The following SLC22A25 variants were observed in gnomAD, a reference collection of about 807,000 sequenced individuals.
SLC22A25 encodes the protein solute carrier family 22 member 25, also known as MGI:2442751, MGI:2385316, MGI:3042283, MGI:3645714, MGI:3605624, MGI:2442750.
A neutral mutation model predicts 45.9 loss-of-function variants in SLC22A25; 44 were observed. The observed-to-expected ratio is 0.96, with a 90% CI of 0.75 to 1.23. The LOEUF (loss-of-function observed/expected upper bound fraction) is 1.23. Ranked by LOEUF, SLC22A25 falls within the 50% of genes most tolerant of loss-of-function variation. The pLI is 0.00. For missense variants in SLC22A25, 800 were observed against 666.4 expected (o/e 1.20, Z -2.21); for synonymous variants, 283 against 238.6 (o/e 1.19, Z -1.72).
At chr11:63,172,951 T>C (rs1202927050) in intron 9 of SLC22A25, among the ~76,000 whole-genome samples, 1 of 151,958 alleles carries the variant, frequency 6.6e-6, no homozygotes, top group Non-Finnish European at 1.5e-5. Flanking sequence ...CACAATAGCA[T>C]AGACTTGGAA....
intron 7 of SLC22A25, among the ~76,000 whole-genome samples, chr11:63,196,993 C>T (rs567992463): frequency 6.6e-6 from 1 of 152,236 alleles, no homozygotes; most frequent in South Asian, 2.1e-4. Context: ...CATGAGTGAA[C>T]TCCCATTCAC....
intron 3 of SLC22A25, among the ~76,000 whole-genome samples, chr11:63,234,206 C>G (rs1292532999): frequency 1.3e-5 from 2 of 152,150 alleles, no homozygotes; most frequent in Non-Finnish European, 1.5e-5. Context: ...AACTTTCTGT[C>G]TCATTGATCT....
At chr11:63,165,962 G>C (rs2087664901) in intron 10 of SLC22A25, 82 bp downstream of exon 10, 1 of 1,482,942 alleles carries the variant, frequency 6.7e-7, no homozygotes, top group Non-Finnish European at 9.2e-7. Context: ...TTTCCTTCTG[G>C]CTTCAGATAG....
intron 3 of SLC22A25, among the ~76,000 whole-genome samples, chr11:63,235,101 T>C (rs1406484000): frequency 1.3e-5 from 2 of 152,186 alleles, no homozygotes; most frequent in African/African-American, 2.4e-5. Flanking sequence ...TCAACTTTGG[T>C]GAATCTGATA....
rs541788940 is a variant in SLC22A25 at position 63,228,359 on chromosome 11, A to T, written c.506+102T>A. On this transcript the variant is annotated intron_variant, in intron 5 of 11. Coordinates refer to ENST00000306494, the MANE Select transcript of SLC22A25 (RefSeq NM_199352.6). ...TCTACAAATCCCTGGGGACCAAGGG[A>T]GCAACAGGATAGTGTGATTTCCAAA... The T allele has an allele frequency of 4.7e-6, 4 of 858,766 alleles. No homozygotes were observed. The East Asian group carries it at 7.7e-5, about 16-fold the overall frequency. The allele number at this position is 858,766 out of a possible 1,614,324, so 53.2% of individuals were successfully genotyped here.
At chr11:63,234,669 A>T (rs1413728595) in intron 3 of SLC22A25, among the ~76,000 whole-genome samples, 3 of 152,086 alleles carry the variant, frequency 2.0e-5, no homozygotes, top group Non-Finnish European at 2.9e-5. Flanking sequence ...TGTGAATTTG[A>T]TCCTGTCATT....
chr11:63,177,640 G>A (rs1375577161), intron 9 of SLC22A25, among the ~76,000 whole-genome samples: 1 of 151,304 alleles, frequency 6.6e-6, no homozygotes, highest in Non-Finnish European at 1.5e-5. Flanking sequence ...TCACATATGA[G>A]TGAGAACATG....
At chr11:63,190,773 C>G (rs2088778596) in intron 7 of SLC22A25, among the ~76,000 whole-genome samples, 2 of 152,150 alleles carry the variant, frequency 1.3e-5, no homozygotes, top group African/African-American at 4.8e-5. Flanking sequence ...ACAGTCAGGA[C>G]CTTCAGCTGC....
chr11:63,178,332 C>T (rs1299483564), intron 9 of SLC22A25, among the ~76,000 whole-genome samples: 1 of 152,068 alleles, frequency 6.6e-6, no homozygotes, highest in Admixed American at 6.6e-5. Context: ...GCATATATAT[C>T]CAAAAGTGAG....
chr11:63,164,744 G>A (rs1051286876), intron 10 of SLC22A25, 110 bp from the exon 11 acceptor site: 3 of 816,736 alleles, frequency 3.7e-6, no homozygotes, highest in Non-Finnish European at 6.1e-6. Flanking sequence ...GGGGTAAAAT[G>A]TACTGTAGGA....
At position 63,160,151 on chromosome 11, in the gene SLC22A25, T is replaced by A. The variant is rs1003774990; in HGVS notation, c.*3673A>T. Among the ~76,000 whole-genome samples the A allele has an allele frequency of 2.6e-5, 4 of 152,292 alleles. No individual in the cohort carries two copies. Among genetic ancestry groups the A allele is most frequent in the African/African-American group, 9.6e-5 (4 of 41,556 alleles). ...TTCAAGCCTGCTGCAGAAATTTGCA[T>A]AAGTAATGAGGAACCAAAGGTTAAT... On this transcript the variant is annotated 3_prime_UTR_variant, in exon 12 of 12. Coordinates refer to ENST00000306494, the MANE Select transcript of SLC22A25 (RefSeq NM_199352.6).
chr11:63,191,344 G>T (rs1161172925), intron 7 of SLC22A25, among the ~76,000 whole-genome samples: 1 of 152,230 alleles, frequency 6.6e-6, no homozygotes, highest in African/African-American at 2.4e-5. Context: ...GACCTTCTGA[G>T]TCAGGCATGG....
intron 1 of SLC22A25, among the ~76,000 whole-genome samples, chr11:63,240,679 T>C (rs1427010327): frequency 6.6e-6 from 1 of 152,218 alleles, no homozygotes; most frequent in Non-Finnish European, 1.5e-5. Flanking sequence ...ATTTTTTTGT[T>C]AAAAATAAAG....
intron 8 of SLC22A25, among the ~76,000 whole-genome samples, chr11:63,181,690 C>T (rs1316495237): frequency 2.0e-5 from 3 of 152,006 alleles, no homozygotes; most frequent in East Asian, 1.9e-4. Context: ...GCCCAGAACA[C>T]GTTTAGAAAG....
chr11:63,179,920 T>C (rs1211948892), intron 9 of SLC22A25, among the ~76,000 whole-genome samples: 1 of 152,160 alleles, frequency 6.6e-6, no homozygotes, highest in Non-Finnish European at 1.5e-5. Flanking sequence ...TCACACAGTG[T>C]GTCCAAAGGC....
At chr11:63,169,745 T>TAGAC (rs1277034252) in intron 9 of SLC22A25, among the ~76,000 whole-genome samples, 1 of 151,570 alleles carries the variant, frequency 6.6e-6, no homozygotes, top group Non-Finnish European at 1.5e-5. Flanking sequence ...CTGTCAATAT[T>TAGAC]AGATCAACTA....
intron 7 of SLC22A25, among the ~76,000 whole-genome samples, chr11:63,196,440 G>T (rs1191861860): frequency 6.6e-6 from 1 of 152,152 alleles, no homozygotes; most frequent in East Asian, 1.9e-4. Flanking sequence ...GGGATGCAAG[G>T]CTGGTTCAAC....
At chr11:63,210,306 G>A (rs2089522645) in intron 7 of SLC22A25, among the ~76,000 whole-genome samples, 2 of 152,144 alleles carry the variant, frequency 1.3e-5, no homozygotes, top group South Asian at 2.1e-4. Flanking sequence ...ACCAGAAATA[G>A]AAACAAAGAG....
chr11:63,209,115 ATTAAT>A (rs2089489166), intron 7 of SLC22A25, among the ~76,000 whole-genome samples: 3 of 152,278 alleles, frequency 2.0e-5, no homozygotes, highest in Admixed American at 2.0e-4. Context: ...AAGACAGGAA[ATTAAT>A]TGGCCGTGTG....
Sources: gnomAD v4.1 joint callset for allele counts (sites outside exome capture counted in the v4.1 genomes callset) on GRCh38, gnomAD v4.1.1 for gene constraint, MANE v1.5 for transcripts, NCBI Gene and HGNC (gene_info 2026-07-23, HGNC 2026-07-21) for gene names.